The following MACROD2 variants were observed in gnomAD, a reference collection of about 807,000 sequenced individuals.
MACROD2 encodes ADP-ribose glycohydrolase MACROD2.
MACROD2 carries 36 observed loss-of-function variants against 70.4 expected under a neutral mutation model. The ratio of observed to expected loss-of-function variants is 0.51; its 90% CI spans 0.39 to 0.68. The LOEUF is 0.68. Ranked by LOEUF, MACROD2 falls within the 30% of genes least tolerant of loss-of-function variation. The pLI, the probability that MACROD2 is intolerant of heterozygous loss-of-function variation, is 0.00. For synonymous variants in MACROD2, 172 were observed against 178.8 expected, an observed-to-expected ratio of 0.96 and a Z score of 0.30; for missense variants, 496 against 538.4, an observed-to-expected ratio of 0.92 and a Z score of 0.78.
chr20:14,760,202 G>A (rs1011327789), intron 5 of MACROD2, among the ~76,000 whole-genome samples: 5 of 152,138 alleles, frequency 3.3e-5, no homozygotes, highest in Non-Finnish European at 5.9e-5. Context: ...GTTTCCTGTC[G>A]GGCTGGGGGC....
At chr20:14,232,498 A>T (rs8122590) in intron 3 of MACROD2, among the ~76,000 whole-genome samples, 30,610 of 152,190 alleles carry the variant, frequency 0.2, 3,386 homozygotes, top group South Asian at 0.32. Flanking sequence ...CTACATCAGC[A>T]CTTGCTACTT....
chr20:14,947,032 T>G (rs563000399), intron 5 of MACROD2, among the ~76,000 whole-genome samples: 1 of 152,306 alleles, frequency 6.6e-6, no homozygotes, highest in Admixed American at 6.5e-5. Flanking sequence ...CCCTTCCAGA[T>G]GGCCGGATAC....
rs571806321 is a variant in MACROD2 at position 16,046,579 on chromosome 20, G to A, written c.1300+1940G>A. Among the ~76,000 whole-genome samples, 25 of 151,302 alleles carry A rather than the reference G, an allele frequency of 1.7e-4. 1 individual carries two copies. The highest frequency in any genetic ancestry group is 6.8e-3 in the Middle Eastern group (2 of 294). ...TGACCAGTGTCCAGATGAAGTGCCA[G>A]GATTAGTCTGTTTTTCTTGGTTAAT... On this transcript the variant is annotated intron_variant, in intron 17 of 17. Transcript: ENST00000684519.
At chr20:14,374,007 T>C (rs2083349945) in intron 3 of MACROD2, among the ~76,000 whole-genome samples, 1 of 152,306 alleles carries the variant, frequency 6.6e-6, no homozygotes, top group African/African-American at 2.4e-5. Context: ...TCTTATCACT[T>C]TATCTCTAAC....
intron 15 of MACROD2, among the ~76,000 whole-genome samples, chr20:16,031,631 AG>A (rs1198641750): frequency 1.3e-5 from 2 of 152,194 alleles, no homozygotes; most frequent in Admixed American, 1.3e-4. Flanking sequence ...TTATGCAATG[AG>A]ATATTAACAC....
intron 8 of MACROD2, among the ~76,000 whole-genome samples, chr20:15,745,388 T>C (rs1192275889): frequency 6.6e-6 from 1 of 152,172 alleles, no homozygotes; most frequent in Non-Finnish European, 1.5e-5. Context: ...TGGATGACTT[T>C]AGGCATCTGG....
intron 8 of MACROD2, among the ~76,000 whole-genome samples, chr20:15,660,571 T>C (rs2049806041): frequency 6.6e-6 from 1 of 152,218 alleles, no homozygotes; most frequent in African/African-American, 2.4e-5. Flanking sequence ...GAATGGTATT[T>C]CTTATGATCT....
intron 8 of MACROD2, among the ~76,000 whole-genome samples, chr20:15,519,414 G>A (rs946686729): frequency 1.4e-4 from 22 of 152,092 alleles, no homozygotes; most frequent in African/African-American, 3.1e-4. Flanking sequence ...GTGAGTCACC[G>A]TGCCCAGCCG....
At chr20:14,942,744 C>T (rs7261394) in intron 5 of MACROD2, among the ~76,000 whole-genome samples, 4,240 of 144,218 alleles carry the variant, frequency 0.029, 201 homozygotes, top group African/African-American at 0.11. Context: ...CTGAATGTCA[C>T]GTCTTAGATT....
At chr20:14,701,568 G>T (rs2071196817) in intron 5 of MACROD2, among the ~76,000 whole-genome samples, 1 of 152,126 alleles carries the variant, frequency 6.6e-6, no homozygotes, top group Non-Finnish European at 1.5e-5. Context: ...ACATTATAAT[G>T]AGGTTTTAAC....
At chr20:14,022,656 C>CCCT (rs2053103281) in intron 2 of MACROD2, among the ~76,000 whole-genome samples, 1 of 152,088 alleles carries the variant, frequency 6.6e-6, no homozygotes. Context: ...CACGTGTTCT[C>CCCT]ATTTTTCAAC....
intron 5 of MACROD2, among the ~76,000 whole-genome samples, chr20:14,755,270 C>A (rs2071925138): frequency 6.6e-6 from 1 of 152,044 alleles, no homozygotes. Flanking sequence ...GTTCTCACCA[C>A]TCCAGCTTTG....
At chr20:15,219,390 ACACT>A (rs367648145) in intron 5 of MACROD2, among the ~76,000 whole-genome samples, 277 of 152,340 alleles carry the variant, frequency 1.8e-3, no homozygotes, top group South Asian at 0.017. Context: ...TCCTGCTGTA[ACACT>A]CACTCATTTA....
At chr20:14,776,491 C>A (rs1261446910) in intron 5 of MACROD2, among the ~76,000 whole-genome samples, 2 of 151,932 alleles carry the variant, frequency 1.3e-5, no homozygotes, top group African/African-American at 4.8e-5. Context: ...CAGTCATAAT[C>A]ACAATAATGC....
At chr20:15,464,764 T>C (rs1472138225) in intron 7 of MACROD2, among the ~76,000 whole-genome samples, 1 of 152,232 alleles carries the variant, frequency 6.6e-6, no homozygotes, top group Non-Finnish European at 1.5e-5. Flanking sequence ...AATTAATTGC[T>C]CTGCCTCTAG....
chr20:15,594,394 A>G (rs16996084), intron 8 of MACROD2, among the ~76,000 whole-genome samples: 2,492 of 152,256 alleles, frequency 0.016, 72 homozygotes, highest in African/African-American at 0.056. Context: ...TCCAGATCGT[A>G]CTACTGCAAA....
At chr20:15,307,113 C>A (rs1489404582) in intron 6 of MACROD2, among the ~76,000 whole-genome samples, 3 of 152,150 alleles carry the variant, frequency 2.0e-5, no homozygotes, top group Non-Finnish European at 2.9e-5. Flanking sequence ...CCCACTCCAA[C>A]ACTGGGGATC....
chr20:14,541,749 T>G (rs2085436062), intron 4 of MACROD2, among the ~76,000 whole-genome samples: 1 of 152,200 alleles, frequency 6.6e-6, no homozygotes, highest in Admixed American at 6.5e-5. Context: ...GTATTACTGT[T>G]TACTTTTGGT....
chr20:14,605,725 T>G (rs1982759851), intron 4 of MACROD2, among the ~76,000 whole-genome samples: 1 of 152,196 alleles, frequency 6.6e-6, no homozygotes, highest in South Asian at 2.1e-4. Flanking sequence ...AGGATTTTTT[T>G]GTTGTTTTTA....
Sources: gnomAD v4.1 joint callset for allele counts (sites outside exome capture counted in the v4.1 genomes callset) on GRCh38, gnomAD v4.1.1 for gene constraint, MANE v1.5 for transcripts, NCBI Gene and HGNC (gene_info 2026-07-23, HGNC 2026-07-21) for gene names.